EHD2: variants seen among roughly 807,000 people sequenced by gnomAD.
The protein encoded by EHD2 is EH domain-containing protein 2.
Under a neutral mutation model 41.0 loss-of-function variants are expected in EHD2, and 27 were observed. The observed-to-expected ratio is 0.66, with a 90% confidence interval of 0.49 to 0.91. The LOEUF is 0.91. Ranked by LOEUF, EHD2 falls within the 40% of genes least tolerant of loss-of-function variation. The pLI is 0.00. For missense variants in EHD2, 673 were observed against 773.9 expected, an observed-to-expected ratio of 0.87 and a Z score of 1.55; for synonymous variants, 342 against 341.0, an observed-to-expected ratio of 1.00 and a Z score of -0.03.
At chr19:47,732,782 C>T (rs368542767) in intron 4 of EHD2, among the ~76,000 whole-genome samples, 5 of 151,844 alleles carry the variant, frequency 3.3e-5, no homozygotes, top group Non-Finnish European at 4.4e-5. Context: ...GTTTATTTTT[C>T]GATAATTTAT....
In EHD2 at chr19:47,719,949, T is replaced by TGTGTGTGC. The variant is rs1314262736; in HGVS notation, c.502+1350_502+1351insCGTGTGTG. The stretch of plus-strand genomic sequence containing the variant: ...GTGTCCAGCTGTTGGTGTGTATATG[T>TGTGTGTGC]GTGTGTGTGTGTGTGTGTGTGACTT... On this transcript the variant is annotated intron_variant, in intron 3 of 5. Coordinates refer to ENST00000263277, the MANE Select transcript of EHD2 (RefSeq NM_014601.4). This position sits in a 1 kb window ranked among gnomAD's most constrained non-coding sequence, Gnocchi z 4.1. Among the ~76,000 whole-genome samples, 1 of 132,364 alleles carries TGTGTGTGC rather than the reference T, an allele frequency of 7.6e-6. No individual in the cohort carries two copies. The highest frequency in any genetic ancestry group is 1.5e-5 in the Non-Finnish European group (1 of 65,012). The allele number at this position is 132,364 out of a possible 152,430, so 86.8% of individuals were successfully genotyped here. A position where few individuals can be genotyped will look rare whatever the true frequency, so the allele number is the denominator to read the frequency against.
intron 4 of EHD2, among the ~76,000 whole-genome samples, chr19:47,731,882 G>A (rs1005972370): frequency 1.3e-5 from 2 of 149,734 alleles, no homozygotes; most frequent in Non-Finnish European, 3.0e-5. Context: ...CCGCCTCCCG[G>A]GTTCACGCCA....
Position 47,719,877 on chromosome 19 carries a change from C to T in EHD2, c.502+1271C>T, listed in dbSNP as rs1474382926. The stretch of plus-strand genomic sequence containing the variant: ...CCATGGGTGGTGGGGGAGTGGGGAA[C>T]GGGGTCTCCCTCCCTGGCCTTGAGG... On this transcript the variant is annotated intron_variant, in intron 3 of 5. Coordinates refer to ENST00000263277, the MANE Select transcript of EHD2 (RefSeq NM_014601.4). The surrounding 1 kb of genome is among the most constrained non-coding windows in gnomAD (Gnocchi z 4.1). 3.3e-5 allele frequency among the ~76,000 whole-genome samples: 5 copies of T among 151,510 alleles called. No homozygotes were observed. The highest frequency in any genetic ancestry group is 1.9e-4 in the East Asian group (1 of 5,164).
At position 47,741,082 on chromosome 19, in the gene EHD2, G is replaced by A; in HGVS notation, c.1282G>A (p.Asp428Asn). The A allele has an allele frequency of 4.3e-6, 7 of 1,609,836 alleles. No individual in the cohort carries two copies. The highest frequency in any genetic ancestry group is 5.9e-6 in the Non-Finnish European group (7 of 1,179,572). ...GGGCCCGTTTGTGGAGCGGGGACCT[G>A]ACGAGGCCATGGAGGACGGCGAGGA... Reference protein sequence around the residue: ...HMGPFVERGPDEAMEDGEEGS... With the variant: ...HMGPFVERGPNEAMEDGEEGS... The change falls in exon 6 of 6, where the codon GAC becomes AAC. Residue 428 changes from aspartate (D) to asparagine (N), a missense_variant. Transcript: ENST00000263277. This position sits in a 1 kb window ranked among gnomAD's most constrained non-coding sequence, Gnocchi z 4.5.
In EHD2 at chr19:47,721,604, G is replaced by A. The variant is rs1422351820; in HGVS notation, c.502+2998G>A. On this transcript the variant is annotated intron_variant, in intron 3 of 5. Transcript: ENST00000263277. ...GTTGGGATTACAGGCATGAGCCACC[G>A]CCCAGCCTATTTTCTGCTGCTTTTA... Among the ~76,000 whole-genome samples, 5 of 149,588 alleles carry A rather than the reference G, an allele frequency of 3.3e-5. No homozygotes were observed. In the South Asian group the frequency reaches 6.9e-4, roughly 21 times the overall value.
rs1349829665 is a variant in EHD2 at position 47,726,229 on chromosome 19, G to C, written c.915+5G>C. ...AAGAGGGCCCGGCTGGTGCGAGTGA[G>C]TAGTCCTGAGGGCTGGGCGCGCATT... On this transcript the variant is annotated splice_donor_5th_base_variant and intron_variant, in intron 4 of 5. Transcript: ENST00000263277. 3 of 1,496,802 alleles carry C rather than the reference G, an allele frequency of 2.0e-6. No homozygotes were observed. Among genetic ancestry groups the C allele is most frequent in the Non-Finnish European group, 2.7e-6 (3 of 1,121,170 alleles). The allele number at this position is 1,496,802 out of a possible 1,614,324, so 92.7% of individuals were successfully genotyped here.
chr19:47,734,053 G>A (rs538643126), intron 4 of EHD2, among the ~76,000 whole-genome samples: 2 of 152,206 alleles, frequency 1.3e-5, no homozygotes, highest in African/African-American at 4.8e-5. Context: ...GCTGCATGGA[G>A]CAAGGGTTAT....
In EHD2 at chr19:47,726,242, C is replaced by G; in HGVS notation, c.915+18C>G. Reference sequence around the variant, plus strand: ...TGGTGCGAGTGAGTAGTCCTGAGGGCTGGGCGCGCATTCTTGGAGGAGGTT... The same window carrying G: ...TGGTGCGAGTGAGTAGTCCTGAGGGGTGGGCGCGCATTCTTGGAGGAGGTT... On this transcript the variant is annotated intron_variant, in intron 4 of 5. Transcript: ENST00000263277. 1 of 1,468,104 alleles carries G rather than the reference C, an allele frequency of 6.8e-7. No individual in the cohort carries two copies. The highest frequency in any genetic ancestry group is 9.0e-7 in the Non-Finnish European group (1 of 1,106,960). 90.9% of individuals were successfully genotyped at this position (1,468,104 alleles called of 1,614,324 possible). A position where few individuals can be genotyped will look rare whatever the true frequency, so the allele number is the denominator to read the frequency against.
chr19:47,725,126 G>C (rs372295149), intron 3 of EHD2, among the ~76,000 whole-genome samples: 1 of 151,896 alleles, frequency 6.6e-6, no homozygotes, highest in East Asian at 1.9e-4. Flanking sequence ...ATAGAGGCAT[G>C]TGGCAGGCTT....
At chr19:47,717,990 T>A (rs937696848) in intron 2 of EHD2, among the ~76,000 whole-genome samples, 1 of 141,600 alleles carries the variant, frequency 7.1e-6, no homozygotes, top group African/African-American at 2.6e-5. Context: ...TAGCACCTGG[T>A]GGCCGGGCGC....
chr19:47,725,439 C>T (rs955742336), intron 3 of EHD2, among the ~76,000 whole-genome samples: 4 of 149,020 alleles, frequency 2.7e-5, no homozygotes, highest in South Asian at 2.1e-4. Flanking sequence ...TGTGGTGATG[C>T]GCGCCTGCAG....
intron 4 of EHD2, among the ~76,000 whole-genome samples, chr19:47,728,509 TTCTC>T (rs1973775001): frequency 6.6e-6 from 1 of 151,798 alleles, no homozygotes; most frequent in Non-Finnish European, 1.5e-5. Context: ...CTCCTCTCCT[TTCTC>T]TCTTTCTCTG....
chr19:47,725,159 G>A (rs1973737020), intron 3 of EHD2, among the ~76,000 whole-genome samples: 2 of 151,834 alleles, frequency 1.3e-5, no homozygotes, highest in East Asian at 1.9e-4. Flanking sequence ...GAAGCACAGG[G>A]GGATCTCTTA....
At position 47,726,229 on chromosome 19, in the gene EHD2, G is replaced by A. The variant is rs1349829665; in HGVS notation, c.915+5G>A. ...AAGAGGGCCCGGCTGGTGCGAGTGAGTAGTCCTGAGGGCTGGGCGCGCATT... is the reference window on the plus strand; with the variant it reads ...AAGAGGGCCCGGCTGGTGCGAGTGAATAGTCCTGAGGGCTGGGCGCGCATT... On this transcript the variant is annotated splice_donor_5th_base_variant and intron_variant, in intron 4 of 5. Transcript: ENST00000263277. The A allele has an allele frequency of 2.7e-6, 4 of 1,496,684 alleles. No homozygotes were observed. The highest frequency in any genetic ancestry group is 2.4e-5 in the Admixed American group (1 of 40,940). 92.7% of individuals were successfully genotyped at this position (1,496,684 alleles called of 1,614,324 possible). A position where few individuals can be genotyped will look rare whatever the true frequency, so the allele number is the denominator to read the frequency against.
intron 4 of EHD2, chr19:47,731,279 A>AAAAAAATATATATATATAT: frequency 1.6e-5 from 1 of 60,934 alleles, no homozygotes; most frequent in African/African-American, 4.9e-5. Flanking sequence ...AAAAAAAAAA[A>AAAAAAATATATATATATAT]ATATATATAT....
intron 3 of EHD2, among the ~76,000 whole-genome samples, chr19:47,721,806 G>A (rs1973699329): frequency 6.6e-6 from 1 of 151,910 alleles, no homozygotes; most frequent in African/African-American, 2.4e-5. Flanking sequence ...GCAACATGGT[G>A]AAACCCTGTC....
At position 47,718,722 on chromosome 19, in the gene EHD2, GT is replaced by G. The variant is rs1568587994; in HGVS notation, c.502+117del. 1.4e-3 allele frequency: 1,237 copies of G among 906,374 alleles called. 46 individuals carry two copies. The African/African-American group carries it at 0.025, about 18-fold the overall frequency. The allele number at this position is 906,374 out of a possible 1,614,324, so 56.1% of individuals were successfully genotyped here. On this transcript the variant is annotated intron_variant, in intron 3 of 5. Coordinates refer to ENST00000263277, the MANE Select transcript of EHD2 (RefSeq NM_014601.4). ...TGGGTCTGAGGGAGGAGGGGCTGGG[GT>G]CTGGACTCCTGGGTCTGAGGGAGGA...
chr19:47,741,527 C>G lies in EHD2; in HGVS notation c.*95C>G, dbSNP rs982339611. On this transcript the variant is annotated 3_prime_UTR_variant, in exon 6 of 6. Transcript: ENST00000263277. This position sits in a 1 kb window ranked among gnomAD's most constrained non-coding sequence, Gnocchi z 4.5. ...GGCTCACACACGCCCTGCCTGCCCT[C>G]CCTGCCCAGCTGTAAGGACCGGGGG... 2.2e-6 allele frequency: 3 copies of G among 1,378,572 alleles called. No homozygotes were observed. The African/African-American group carries it at 4.7e-5, about 21-fold the overall frequency. The allele number at this position is 1,378,572 out of a possible 1,614,324, so 85.4% of individuals were successfully genotyped here. A position where few individuals can be genotyped will look rare whatever the true frequency, so the allele number is the denominator to read the frequency against.
In EHD2 at chr19:47,737,156, G is replaced by A. The variant is rs535278804; in HGVS notation, c.1080+623G>A. Among the ~76,000 whole-genome samples, 72 of 151,106 alleles carry A rather than the reference G, an allele frequency of 4.8e-4. 1 individual carries two copies. Among genetic ancestry groups the A allele is most frequent in the East Asian group, 3.9e-3 (20 of 5,098 alleles). On this transcript the variant is annotated intron_variant, in intron 5 of 5. Coordinates refer to ENST00000263277, the MANE Select transcript of EHD2 (RefSeq NM_014601.4). ...TGAGGCAGGAGAATGGTGTGAACCC[G>A]GGAGGCGGAGCTTGCACTGAGCCAA...
Sources: allele counts gnomAD v4.1 joint callset (sites outside exome capture counted in the v4.1 genomes callset), GRCh38; gene constraint gnomAD v4.1.1; non-coding constraint Gnocchi (gnomAD v3.1); transcripts MANE v1.5; gene names NCBI Gene and HGNC (gene_info 2026-07-23, HGNC 2026-07-21).